Variants in MEIS1 observed in about 807,000 individuals in gnomAD.
MEIS1 encodes the protein homeobox protein Meis1.
In MEIS1, 5 loss-of-function variants were observed where a neutral mutation model predicts 50.8. The observed-to-expected ratio is 0.10, with a 90% CI of 0.05 to 0.21. The LOEUF is 0.21. MEIS1 is among the 10% of genes least tolerant of loss of function. The pLI is 1.00. For synonymous variants in MEIS1, 176 were observed against 179.3 expected (o/e 0.98, Z 0.15); for missense variants, 318 against 517.3 (o/e 0.61, Z 3.74).
At position 66,479,146 on chromosome 2, in the gene MEIS1, A is replaced by C. The variant is rs1282148334; in HGVS notation, c.742+14926A>C. Among the ~76,000 whole-genome samples the C allele has an allele frequency of 5.9e-5, 9 of 152,206 alleles. No homozygotes were observed. In the East Asian group the frequency reaches 1.7e-3, roughly 29 times the overall value. ...TGACAGACCTCATGTTTATTACCCA[A>C]TTGGATGTCAGTAGCAATTGCAGCT... On this transcript the variant is annotated intron_variant, in intron 7 of 12. Coordinates refer to ENST00000272369, the MANE Select transcript of MEIS1 (RefSeq NM_002398.3).
intron 8 of MEIS1, among the ~76,000 whole-genome samples, chr2:66,542,522 A>G (rs936282901): frequency 1.8e-4 from 27 of 152,200 alleles, no homozygotes; most frequent in African/African-American, 6.5e-4. Context: ...CTCCTCTGGT[A>G]CCTATTCCCA....
chr2:66,557,904 A>G lies in MEIS1; in HGVS notation c.966-9549A>G, dbSNP rs1675107839. 2.6e-5 allele frequency among the ~76,000 whole-genome samples: 4 copies of G among 152,120 alleles called. 1 individual carries two copies. On this transcript the variant is annotated intron_variant, in intron 9 of 12. Transcript: ENST00000272369. ...GGCAGTTTTCCCACTCAGTTCTCAT[A>G]TTCTTCTCACTACACACTGCTCTCA...
At chr2:66,473,397 A>AAAAAAAAAAAAT in intron 7 of MEIS1, among the ~76,000 whole-genome samples, 54 of 107,570 alleles carry the variant, frequency 5.0e-4, no homozygotes, top group African/African-American at 3.1e-3. Flanking sequence ...AAAAAAAAAA[A>AAAAAAAAAAAAT]ATATATATAT....
chr2:66,462,240 T>C (rs770575009), intron 6 of MEIS1, among the ~76,000 whole-genome samples: 15 of 152,196 alleles, frequency 9.9e-5, no homozygotes, highest in Admixed American at 8.5e-4. Context: ...GCTCTGTATT[T>C]TAGCTTGTTA....
intron 2 of MEIS1, among the ~76,000 whole-genome samples, chr2:66,438,449 A>G (rs1256297902): frequency 6.6e-6 from 1 of 152,258 alleles, no homozygotes; most frequent in Non-Finnish European, 1.5e-5. Context: ...CCAAAGCAGG[A>G]CAGTTGCAGG....
At chr2:66,463,965 C>T (rs1672578638) in intron 6 of MEIS1, 144 bp from the exon 7 acceptor site, 1 of 621,976 alleles carries the variant, frequency 1.6e-6, no homozygotes, top group African/African-American at 1.8e-5. Context: ...CAGCTCTGAG[C>T]TGGAACCATG....
chr2:66,490,688 G>A (rs2103805922), intron 7 of MEIS1, among the ~76,000 whole-genome samples: 1 of 152,136 alleles, frequency 6.6e-6, no homozygotes, highest in South Asian at 2.1e-4. Context: ...TGAATGAATG[G>A]GCTGAACTCC....
At chr2:66,485,092 T>C (rs1013848740) in intron 7 of MEIS1, among the ~76,000 whole-genome samples, 3 of 152,060 alleles carry the variant, frequency 2.0e-5, no homozygotes, top group East Asian at 1.9e-4. Flanking sequence ...TATATATATA[T>C]ACACATATGA....
chr2:66,459,839 A>G (rs908849770), intron 6 of MEIS1, among the ~76,000 whole-genome samples: 24 of 152,182 alleles, frequency 1.6e-4, no homozygotes, highest in Non-Finnish European at 2.4e-4. Context: ...TGCTGAGTTG[A>G]AACAAGTCCA....
In MEIS1 at chr2:66,436,549, C is replaced by A. The variant is rs1200658189; in HGVS notation, c.12+681C>A. Among the ~76,000 whole-genome samples, 3 of 152,158 alleles carry A rather than the reference C, an allele frequency of 2.0e-5. No homozygotes were observed. In the East Asian group the frequency reaches 5.8e-4, roughly 29 times the overall value. On this transcript the variant is annotated intron_variant, in intron 1 of 12. Coordinates refer to ENST00000272369, the MANE Select transcript of MEIS1 (RefSeq NM_002398.3). The stretch of plus-strand genomic sequence containing the variant: ...AATGACAACCCAACTGAGGTAGTTT[C>A]TTAAAAGAAAGGGGGTCTACAAAAA...
In MEIS1 at chr2:66,536,515, G is replaced by A. The variant is rs373712688; in HGVS notation, c.889-11428G>A. ...CACTTTTGTTATACAAAAGAACTGC[G>A]GTTGTTAAGGTGACAGCAAAAGAAA... is the stretch of plus-strand genomic sequence containing the variant. On this transcript the variant is annotated intron_variant, in intron 8 of 12. Transcript: ENST00000272369. Among the ~76,000 whole-genome samples, 13 of 152,232 alleles carry A rather than the reference G, an allele frequency of 8.5e-5. No individual in the cohort carries two copies. In the East Asian group the frequency reaches 1.2e-3, roughly 14 times the overall value.
At chr2:66,504,265 G>C (rs1466394974) in intron 7 of MEIS1, among the ~76,000 whole-genome samples, 1 of 151,756 alleles carries the variant, frequency 6.6e-6, no homozygotes, top group African/African-American at 2.4e-5. Flanking sequence ...ATGGAGTCTT[G>C]CTCTGTCACC....
At chr2:66,451,581 T>G in intron 6 of MEIS1, among the ~76,000 whole-genome samples, 1 of 152,070 alleles carries the variant, frequency 6.6e-6, no homozygotes, top group South Asian at 2.1e-4. Context: ...TCCAAAACTA[T>G]TTGGATGTGT....
rs572920420 is a variant in MEIS1 at position 66,484,374 on chromosome 2, A to G, written c.742+20154A>G. 1.4e-3 allele frequency among the ~76,000 whole-genome samples: 207 copies of G among 152,144 alleles called. 1 individual carries two copies. Among genetic ancestry groups the G allele is most frequent in the African/African-American group, 4.8e-3 (198 of 41,530 alleles). On this transcript the variant is annotated intron_variant, in intron 7 of 12. Coordinates refer to ENST00000272369, the MANE Select transcript of MEIS1 (RefSeq NM_002398.3). The stretch of plus-strand genomic sequence containing the variant: ...TGAGAGCACAGAGAGCCCATTTCCT[A>G]TTTTGACTATCTTCCTTTATTTTTC...
In MEIS1 at chr2:66,516,525, C is replaced by A. The variant is rs571212033; in HGVS notation, c.888+4231C>A. On this transcript the variant is annotated intron_variant, in intron 8 of 12. Transcript: ENST00000272369. ...CAAGTGTTTTTGTTTCATTTTCTTT[C>A]TTCTTTCTTTCTTTCTTTTTTGTGT... is the stretch of plus-strand genomic sequence containing the variant. 4.0e-5 allele frequency among the ~76,000 whole-genome samples: 6 copies of A among 151,826 alleles called. No individual in the cohort carries two copies. In the East Asian group the frequency reaches 1.2e-3, roughly 29 times the overall value.
At chr2:66,506,866 A>G (rs564610367) in intron 7 of MEIS1, among the ~76,000 whole-genome samples, 16 of 152,252 alleles carry the variant, frequency 1.1e-4, no homozygotes, top group African/African-American at 3.8e-4. Flanking sequence ...ATTTTTCCTA[A>G]TAACCCTGGA....
At chr2:66,486,789 T>C (rs1490365278) in intron 7 of MEIS1, among the ~76,000 whole-genome samples, 2 of 152,212 alleles carry the variant, frequency 1.3e-5, no homozygotes, top group Non-Finnish European at 2.9e-5. Context: ...CAGTGGTTTG[T>C]AGTTCTCCTT....
At chr2:66,494,718 A>G (rs1283153623) in intron 7 of MEIS1, among the ~76,000 whole-genome samples, 2 of 152,178 alleles carry the variant, frequency 1.3e-5, no homozygotes, top group African/African-American at 4.8e-5. Context: ...ACTTTCACAT[A>G]TATGATCTCG....
intron 8 of MEIS1, among the ~76,000 whole-genome samples, chr2:66,531,564 G>C (rs548797112): frequency 6.6e-6 from 1 of 152,192 alleles, no homozygotes; most frequent in Non-Finnish European, 1.5e-5. Flanking sequence ...CCTGGTAGCT[G>C]GTGTATTGCG....
Sources: allele counts gnomAD v4.1 joint callset (sites outside exome capture counted in the v4.1 genomes callset), GRCh38; gene constraint gnomAD v4.1.1; transcripts MANE v1.5; gene names NCBI Gene and HGNC (gene_info 2026-07-23, HGNC 2026-07-21).